Variants in PRKX observed in about 807,000 individuals in gnomAD.
PRKX encodes the protein protein kinase cAMP-dependent X-linked catalytic subunit, also known as cAMP-dependent protein kinase catalytic subunit PRKX.
In PRKX, 12 loss-of-function variants were observed where a neutral mutation model predicts 22.0. The observed-to-expected ratio is 0.54, with a 90% CI of 0.35 to 0.88. The LOEUF (loss-of-function observed/expected upper bound fraction) is 0.88. Among genes scored for constraint, PRKX ranks in the 40% least tolerant of loss-of-function variants. PRKX has a pLI of 0.01. For missense variants in PRKX, 217 were observed against 308.0 expected (o/e 0.70, Z 2.21); for synonymous variants, 134 against 137.7 (o/e 0.97, Z 0.19).
At chrX:3,649,352 T>G (rs1927260599) in intron 3 of PRKX, among the ~76,000 whole-genome samples, 1 of 107,232 alleles carries the variant, frequency 9.3e-6, no homozygotes, top group Non-Finnish European at 1.9e-5. Context: ...AAACCAGAAA[T>G]AATTCTAGTT....
At chrX:3,659,717 GTTTTTTT>G (rs369338597) in intron 2 of PRKX, among the ~76,000 whole-genome samples, 10 of 28,039 alleles carry the variant, frequency 3.6e-4, no homozygotes, top group African/African-American at 1.7e-3. Flanking sequence ...TGTTTTTTTT[GTTTTTTT>G]TTTTGTTTTT....
rs1202992236 is a variant in PRKX at position 3,607,542 on chromosome X, A to T, written c.*1427T>A. The T allele has an allele frequency of 9.0e-6, 1 of 111,437 alleles. No individual in the cohort carries two copies. Among genetic ancestry groups the T allele is most frequent in the African/African-American group, 3.3e-5 (1 of 30,463 alleles). 9.2% of individuals were successfully genotyped at this position (111,437 alleles called of 1,213,427 possible). ...ACCATCTGAACATCATTTTCCACTG[A>T]GTTATTAATTGTAAAGAGTTTATTC... On this transcript the variant is annotated 3_prime_UTR_variant, in exon 9 of 9. Transcript: ENST00000262848.
intron 1 of PRKX, among the ~76,000 whole-genome samples, chrX:3,692,050 G>C (rs1009919839): frequency 1.2e-4 from 12 of 102,331 alleles, no homozygotes; most frequent in African/African-American, 3.9e-4. Flanking sequence ...ATAATTGATA[G>C]GTAGGTAGGT....
At chrX:3,625,090 T>A (rs1926634185) in intron 5 of PRKX, among the ~76,000 whole-genome samples, 2 of 111,736 alleles carry the variant, frequency 1.8e-5, no homozygotes, top group East Asian at 5.6e-4. Flanking sequence ...TGTCTTACCA[T>A]TCACTGGACA....
intron 4 of PRKX, among the ~76,000 whole-genome samples, chrX:3,633,339 T>G (rs1731759173): frequency 9.1e-6 from 1 of 109,300 alleles, no homozygotes; most frequent in Admixed American, 9.8e-5. Flanking sequence ...GGCAGGTGGA[T>G]CACTTGAGCC....
At chrX:3,666,152 A>ATTTT (rs34567097) in intron 2 of PRKX, among the ~76,000 whole-genome samples, 3 of 68,119 alleles carry the variant, frequency 4.4e-5, no homozygotes, top group African/African-American at 1.6e-4. Context: ...TGAACTGTAC[A>ATTTT]TTTTTTTTTT....
At chrX:3,687,286 C>T (rs1268469451) in intron 1 of PRKX, among the ~76,000 whole-genome samples, 2 of 112,061 alleles carry the variant, frequency 1.8e-5, no homozygotes, top group Non-Finnish European at 3.8e-5. Flanking sequence ...AGGCATGAGC[C>T]ACTGCGCCCA....
At chrX:3,637,073 G>A (rs1457329019) in intron 4 of PRKX, among the ~76,000 whole-genome samples, 1 of 90,158 alleles carries the variant, frequency 1.1e-5, no homozygotes, top group Non-Finnish European at 2.4e-5. Context: ...AGGAGAGAGA[G>A]AGAGAGAGGG....
intron 2 of PRKX, among the ~76,000 whole-genome samples, chrX:3,656,345 T>A (rs1237222382): frequency 9.0e-6 from 1 of 111,133 alleles, no homozygotes; most frequent in African/African-American, 3.3e-5. Context: ...GATATGGGTG[T>A]AGAGAGATGT....
intron 1 of PRKX, among the ~76,000 whole-genome samples, chrX:3,693,856 C>T (rs776351995): frequency 1.0e-5 from 1 of 98,504 alleles, no homozygotes; most frequent in South Asian, 5.1e-4. Context: ...AGGAGAATGG[C>T]GTGAACCCGG....
chrX:3,658,072 C>A (rs1213208278), intron 2 of PRKX, among the ~76,000 whole-genome samples: 2 of 110,328 alleles, frequency 1.8e-5, no homozygotes, highest in Non-Finnish European at 3.8e-5. Context: ...CTCACTGCAA[C>A]CTCCGCCTCC....
intron 1 of PRKX, among the ~76,000 whole-genome samples, chrX:3,680,130 CTGTTGTTGTTGTTGT>C (rs34465309): frequency 5.6e-5 from 6 of 107,884 alleles, no homozygotes; most frequent in African/African-American, 1.4e-4. Flanking sequence ...ACATCCTGGC[CTGTTGTTGTTGTTGT>C]TGTTGTTGTT....
In PRKX at chrX:3,692,262, G is replaced by C. The variant is rs978156269; in HGVS notation, c.167-17496C>G. ...ATCCTGTGCACTGCAAACCTGCAGA[G>C]TGGCGTCCCTGGGCTCCACTCACCA... On this transcript the variant is annotated intron_variant, in intron 1 of 8. Coordinates refer to ENST00000262848, the MANE Select transcript of PRKX (RefSeq NM_005044.5). Among the ~76,000 whole-genome samples, 4 of 110,033 alleles carry C rather than the reference G, an allele frequency of 3.6e-5. No individual in the cohort carries two copies. In the East Asian group the frequency reaches 1.2e-3, roughly 32 times the overall value.
At chrX:3,667,388 G>C (rs756680605) in intron 2 of PRKX, 1 of 110,104 alleles carries the variant, frequency 9.1e-6, no homozygotes, top group East Asian at 2.9e-4. Context: ...AAGAAAATGA[G>C]CCATCCTCAT....
intron 4 of PRKX, among the ~76,000 whole-genome samples, chrX:3,635,883 G>A (rs757049267): frequency 7.2e-5 from 8 of 111,799 alleles, no homozygotes; most frequent in South Asian, 7.5e-4. Flanking sequence ...GAACCACCAC[G>A]TCCAGCCTTT....
intron 6 of PRKX, among the ~76,000 whole-genome samples, chrX:3,620,287 C>G (rs751459403): frequency 1.2e-4 from 13 of 112,288 alleles, no homozygotes; most frequent in Non-Finnish European, 1.3e-4. Context: ...CGGGCTACAG[C>G]CTGGATGAAC....
At chrX:3,670,935 T>C (rs1927834401) in intron 2 of PRKX, among the ~76,000 whole-genome samples, 1 of 112,420 alleles carries the variant, frequency 8.9e-6, no homozygotes, top group South Asian at 3.7e-4. Flanking sequence ...TGACAATCAC[T>C]TCCCTAGATC....
rs776002280 is a variant in PRKX, at chrX:3,703,540, A to C, written c.166+9548T>G. Among the ~76,000 whole-genome samples the C allele has an allele frequency of 1.5e-3, 164 of 111,236 alleles. 1 individual carries two copies. Among genetic ancestry groups the C allele is most frequent in the African/African-American group, 5.1e-3 (157 of 30,619 alleles). ...CCTCGCACCTGAGTCTCCTCTGCAA[A>C]TCATTTACATCTTCGCTAAAGGTGT... is the stretch of plus-strand genomic sequence containing the variant. On this transcript the variant is annotated intron_variant, in intron 1 of 8. Coordinates refer to ENST00000262848, the MANE Select transcript of PRKX (RefSeq NM_005044.5).
intron 8 of PRKX, among the ~76,000 whole-genome samples, chrX:3,611,592 G>A (rs993711993): frequency 3.6e-5 from 4 of 111,361 alleles, no homozygotes; most frequent in Admixed American, 2.9e-4. Flanking sequence ...CCCTTTTTCA[G>A]TCATCTTAAA....
Sources: allele counts gnomAD v4.1 joint callset (sites outside exome capture counted in the v4.1 genomes callset), GRCh38; gene constraint gnomAD v4.1.1; transcripts MANE v1.5; gene names NCBI Gene and HGNC (gene_info 2026-07-23, HGNC 2026-07-21).